Variants in VPS13B observed in about 807,000 individuals in gnomAD.
VPS13B encodes vacuolar protein sorting 13 homolog B, also known as intermembrane lipid transfer protein VPS13B.
VPS13B carries 285 observed loss-of-function variants against 426.4 expected under a neutral mutation model. The ratio of observed to expected loss-of-function variants is 0.67; its 90% CI spans 0.61 to 0.74. The LOEUF (loss-of-function observed/expected upper bound fraction) is 0.74, where lower values mean the gene tolerates loss of function less well. Ranked by LOEUF, VPS13B falls within the 30% of genes least tolerant of loss-of-function variation. The probability of loss-of-function intolerance (pLI) is 0.00; values close to 1 mark genes in which losing one functional copy is unlikely to be tolerated. For missense variants in VPS13B, 4,537 were observed against 4,782.6 expected, an observed-to-expected ratio of 0.95 and a Z score of 1.51; for synonymous variants, 1,676 against 1,676.4, an observed-to-expected ratio of 1.00 and a Z score of 0.01.
At chr8:99,607,314 G>T (rs527338345) in intron 33 of VPS13B, among the ~76,000 whole-genome samples, 1 of 152,140 alleles carries the variant, frequency 6.6e-6, no homozygotes, top group Non-Finnish European at 1.5e-5. Flanking sequence ...CTGGATAGAT[G>T]GAGCCCAAGA....
chr8:99,275,307 T>C (rs77143562), intron 19 of VPS13B, 53 bp downstream of exon 19: 39 of 1,414,560 alleles, frequency 2.8e-5, no homozygotes, highest in Middle Eastern at 2.2e-4. Context: ...TTTTTTTTTT[T>C]CCAGAAAGGC....
rs903225286 is a variant in VPS13B, at chr8:99,129,527, A to G, written c.1207-5105A>G. Among the ~76,000 whole-genome samples, 13 of 147,814 alleles carry G rather than the reference A, an allele frequency of 8.8e-5. No homozygotes were observed. In the South Asian group the frequency reaches 2.8e-3, roughly 32 times the overall value. On this transcript the variant is annotated intron_variant, in intron 8 of 61. Coordinates refer to ENST00000357162, the MANE Select transcript of VPS13B (RefSeq NM_152564.5). ...AGCTGCAATGAGCCATGTTTTCACC[A>G]CTGTACTCTAGCCTGGGTGACCAAG...
At position 99,167,131 on chromosome 8, in the gene VPS13B, A is replaced by G. The variant is rs1026676838; in HGVS notation, c.2209-2908A>G. On this transcript the variant is annotated intron_variant, in intron 15 of 61. Coordinates refer to ENST00000357162, the MANE Select transcript of VPS13B (RefSeq NM_152564.5). ...CTTCATTTTTCCTGCATGTGAAATG[A>G]GATGATTGAGTTAAATAATCTCTAA... Among the ~76,000 whole-genome samples the G allele has an allele frequency of 4.6e-5, 7 of 152,184 alleles. No homozygotes were observed. In the East Asian group the frequency reaches 1.3e-3, roughly 29 times the overall value.
At position 99,544,692 on chromosome 8, in the gene VPS13B, A is replaced by AAAC. The variant is rs113708807; in HGVS notation, c.4746-11743_4746-11741dup. Among the ~76,000 whole-genome samples the AAAC allele has an allele frequency of 5.4e-4, 82 of 151,714 alleles. 1 individual carries two copies. The highest frequency in any genetic ancestry group is 3.0e-3 in the Admixed American group (45 of 15,194). ...AAATTGTAATTTTGTATGTGCTGCA[A>AAAC]AACAACAACAACAACAATAAACCTT... On this transcript the variant is annotated intron_variant, in intron 30 of 61. Transcript: ENST00000357162.
At chr8:99,360,519 C>T (rs188730200) in intron 19 of VPS13B, among the ~76,000 whole-genome samples, 22 of 151,828 alleles carry the variant, frequency 1.4e-4, no homozygotes, top group African/African-American at 2.2e-4. Flanking sequence ...CCTCGTGACC[C>T]GCCCGTCTCG....
At chr8:99,139,523 C>T (rs1010035343) in intron 12 of VPS13B, among the ~76,000 whole-genome samples, 9 of 151,582 alleles carry the variant, frequency 5.9e-5, no homozygotes, top group South Asian at 2.1e-4. Context: ...CTGCAAGCTC[C>T]GCCTCCCGGG....
At chr8:99,393,139 G>A (rs1347341831) in intron 21 of VPS13B, among the ~76,000 whole-genome samples, 1 of 151,878 alleles carries the variant, frequency 6.6e-6, no homozygotes. Context: ...TAATGGTTAA[G>A]GATAATTAAC....
intron 2 of VPS13B, among the ~76,000 whole-genome samples, chr8:99,029,236 C>T (rs1164934547): frequency 2.0e-5 from 3 of 150,488 alleles, no homozygotes; most frequent in East Asian, 2.0e-4. Context: ...GGGGAAGAGG[C>T]GCTCCTCGCT....
intron 24 of VPS13B, among the ~76,000 whole-genome samples, chr8:99,473,984 AC>A (rs1430386862): frequency 3.9e-5 from 6 of 152,098 alleles, no homozygotes; most frequent in African/African-American, 1.4e-4. Flanking sequence ...TGCTGAGAAA[AC>A]TTAACACCTG....
intron 25 of VPS13B, among the ~76,000 whole-genome samples, chr8:99,492,896 G>A (rs1404446333): frequency 6.6e-6 from 1 of 152,170 alleles, no homozygotes; most frequent in African/African-American, 2.4e-5. Flanking sequence ...CAGTCCCAAT[G>A]AGAAGAATCA....
rs569527433 is a variant in VPS13B, at chr8:99,297,698, C to T, written c.2824+22444C>T. Among the ~76,000 whole-genome samples, 56 of 152,294 alleles carry T rather than the reference C, an allele frequency of 3.7e-4. No individual in the cohort carries two copies. In the Middle Eastern group the frequency reaches 0.014, roughly 37 times the overall value. ...TAGCTAGTGTTTATGTTTTGGTGAA[C>T]ATCGTTTTAGACAATTTTCTATGCA... On this transcript the variant is annotated intron_variant, in intron 19 of 61. Transcript: ENST00000357162.
intron 33 of VPS13B, among the ~76,000 whole-genome samples, chr8:99,605,601 C>A (rs1435513391): frequency 1.3e-5 from 2 of 152,114 alleles, no homozygotes; most frequent in Admixed American, 1.3e-4. Flanking sequence ...TTTCCTCAGG[C>A]ATCTCTCTTT....
At chr8:99,341,757 G>A in intron 19 of VPS13B, 1 of 395,568 alleles carries the variant, frequency 2.5e-6, no homozygotes, top group Non-Finnish European at 5.2e-6. Flanking sequence ...AATAACATCA[G>A]CAATCTGGGT....
intron 39 of VPS13B, among the ~76,000 whole-genome samples, chr8:99,764,756 C>A (rs1019659235): frequency 6.6e-6 from 1 of 152,116 alleles, no homozygotes; most frequent in African/African-American, 2.4e-5. Context: ...TGTAGAAATA[C>A]ATCCTATAGA....
intron 39 of VPS13B, among the ~76,000 whole-genome samples, chr8:99,755,746 G>A (rs1810608845): frequency 6.6e-6 from 1 of 152,084 alleles, no homozygotes; most frequent in Non-Finnish European, 1.5e-5. Flanking sequence ...TGCAGCCTGG[G>A]CAACAGAGGG....
intron 2 of VPS13B, among the ~76,000 whole-genome samples, chr8:99,028,064 G>A (rs1032767375): frequency 6.6e-6 from 1 of 152,208 alleles, no homozygotes; most frequent in African/African-American, 2.4e-5. Context: ...CAAGGCAGAA[G>A]AATTTTTCTT....
chr8:99,526,745 G>A (rs1407910180), intron 30 of VPS13B, among the ~76,000 whole-genome samples: 5 of 152,126 alleles, frequency 3.3e-5, no homozygotes, highest in African/African-American at 9.7e-5. Flanking sequence ...TGTAGCAGAG[G>A]CTAATCAGCC....
rs757475749 is a variant in VPS13B at position 99,431,549 on chromosome 8, T to C, written c.3095T>C (p.Leu1032Ser). 1.4e-5 allele frequency: 22 copies of C among 1,613,338 alleles called. No homozygotes were observed. The South Asian group carries it at 2.4e-4, about 18-fold the overall frequency. ...TTCTCGTACTCAGAATCCCGCCCAT[T>C]GTCAGTTCCTGTTAAAGCCATGTTG... ...KTKTVTESRP[L>S]SVPVKAMLNI... The change falls in exon 22 of 62, where the codon TTG becomes TCG. Residue 1032 changes from leucine to serine, a missense_variant. Around this residue, in one of 2 missense-constraint regions of VPS13B, gnomAD observed 4,311 missense variants for 4,474.3 expected, o/e 0.96. Coordinates refer to ENST00000357162, the MANE Select transcript of VPS13B (RefSeq NM_152564.5).
At chr8:99,855,300 C>T (rs780813775) in intron 56 of VPS13B, among the ~76,000 whole-genome samples, 1 of 152,020 alleles carries the variant, frequency 6.6e-6, no homozygotes, top group African/African-American at 2.4e-5. Flanking sequence ...GAGGATTGCT[C>T]GAGCCCAGGA....
Sources: allele counts gnomAD v4.1 joint callset (sites outside exome capture counted in the v4.1 genomes callset), GRCh38; gene constraint gnomAD v4.1.1; regional missense constraint gnomAD v4.1.1; transcripts MANE v1.5; gene names NCBI Gene and HGNC (gene_info 2026-07-23, HGNC 2026-07-21).